The following DDX18 variants were observed in gnomAD, a reference collection of about 807,000 sequenced individuals.
The protein encoded by DDX18 is ATP-dependent RNA helicase DDX18.
In DDX18, 23 loss-of-function variants were observed where a neutral mutation model predicts 73.5. The observed-to-expected ratio is 0.31, with a 90% CI of 0.23 to 0.44. The LOEUF is 0.44. Ranked by LOEUF, DDX18 falls within the 20% of genes least tolerant of loss-of-function variation. The pLI, the probability that DDX18 is intolerant of heterozygous loss-of-function variation, is 1.00. For synonymous variants in DDX18, 268 were observed against 282.7 expected (o/e 0.95, Z 0.52); for missense variants, 753 against 792.9 (o/e 0.95, Z 0.60).
chr2:117,827,682 G>C (rs534101876), intron 11 of DDX18: 1 of 152,216 alleles, frequency 6.6e-6, no homozygotes, highest in East Asian at 1.9e-4. Flanking sequence ...CTTTTTTATG[G>C]CTGCATAGTA....
chr2:117,824,286 G>A (rs1679889072), intron 7 of DDX18: 1 of 231,466 alleles, frequency 4.3e-6, no homozygotes, highest in South Asian at 1.8e-4. Context: ...TTTACATGAA[G>A]GTTATAACTA....
intron 6 of DDX18, 32 bp downstream of exon 6, chr2:117,822,093 G>T: frequency 6.2e-7 from 1 of 1,613,660 alleles, no homozygotes; most frequent in Non-Finnish European, 8.5e-7. Flanking sequence ...TCATTGTCTT[G>T]TATGAAACAT....
chr2:117,815,518 T>G (rs1679742899), intron 1 of DDX18, among the ~76,000 whole-genome samples: 3 of 152,202 alleles, frequency 2.0e-5, no homozygotes, highest in Admixed American at 2.0e-4. Context: ...TGTGTTAACC[T>G]GTTGTCCAGG....
At chr2:117,815,108 CT>C (rs1434283961) in intron 1 of DDX18, 1 of 549,580 alleles carries the variant, frequency 1.8e-6, no homozygotes, top group Non-Finnish European at 3.3e-6. Context: ...AGCGGGAGGA[CT>C]CCCCGTTCAC....
rs1276758786 is a variant in DDX18, at chr2:117,817,699, AGAG to A, written c.342_344del (p.Arg115del). 8 of 1,604,254 alleles carry A rather than the reference AGAG, an allele frequency of 5.0e-6. No homozygotes were observed. The highest frequency in any genetic ancestry group is 6.8e-6 in the Non-Finnish European group (8 of 1,177,618). On this transcript the variant is annotated inframe_deletion, in exon 2 of 14. Coordinates refer to ENST00000263239, the MANE Select transcript of DDX18 (RefSeq NM_006773.4). ...GAATCAAAAAAGAAAAAGAAGAAAA[AGAG>A]AAAAATGGTGAATGATGCTGAGCCT... is the stretch of plus-strand genomic sequence containing the variant.
rs368619830 is a variant in DDX18, at chr2:117,825,494, C to T, written c.1416C>T (p.Cys472=). The change falls in exon 10 of 14, where the codon TGC becomes TGT. Residue 472 remains cysteine (C), a synonymous_variant. Coordinates refer to ENST00000263239, the MANE Select transcript of DDX18 (RefSeq NM_006773.4). ...GTACAACCACATTCTTCCAGTTCTG[C>T]AATGCAGATTCGGGAACACTATTGT... The part of the protein sequence containing the change: ...NKRTTTFFQF[C]NADSGTLLCT... 7 of 1,613,992 alleles carry T rather than the reference C, an allele frequency of 4.3e-6. No homozygotes were observed. Among genetic ancestry groups the T allele is most frequent in the Non-Finnish European group, 5.9e-6 (7 of 1,179,996 alleles).
At position 117,824,923 on chromosome 2, in the gene DDX18, GC is replaced by G. The variant is rs1464641591; in HGVS notation, c.1207-16del. 6.3e-7 allele frequency: 1 copy of G among 1,594,632 alleles called. No individual in the cohort carries two copies. The highest frequency in any genetic ancestry group is 1.4e-5 in the African/African-American group (1 of 73,550). ...CCACTTGGTTCATTTGTATCTGTCT[GC>G]TTAAACGCTTTCTAGGGATATGTTG... On this transcript the variant is annotated splice_polypyrimidine_tract_variant and intron_variant, in intron 8 of 13. Coordinates refer to ENST00000263239, the MANE Select transcript of DDX18 (RefSeq NM_006773.4).
rs1257475218 is a variant in DDX18, at chr2:117,831,222, C to G, written c.*498C>G. 1 of 152,838 alleles carries G rather than the reference C, an allele frequency of 6.5e-6. No homozygotes were observed. The highest frequency in any genetic ancestry group is 1.5e-5 in the Non-Finnish European group (1 of 68,580). The allele number at this position is 152,838 out of a possible 1,614,324, so 9.5% of individuals were successfully genotyped here. A position where few individuals can be genotyped will look rare whatever the true frequency, so the allele number is the denominator to read the frequency against. The stretch of plus-strand genomic sequence containing the variant: ...TATCTAATGACTCCTCCTGAAAATG[C>G]TGCAGTATAAAAGAGCAAAGAGCTT... On this transcript the variant is annotated 3_prime_UTR_variant, in exon 14 of 14. Transcript: ENST00000263239.
intron 7 of DDX18, among the ~76,000 whole-genome samples, chr2:117,823,438 A>G (rs1332992009): frequency 2.6e-5 from 4 of 152,192 alleles, no homozygotes; most frequent in Non-Finnish European, 5.9e-5. Context: ...TCGTTGCTTT[A>G]ATATATACAT....
intron 1 of DDX18, chr2:117,815,581 G>A (rs1365808052): frequency 1.3e-5 from 2 of 152,190 alleles, no homozygotes; most frequent in African/African-American, 4.8e-5. Context: ...CCTTGCCCCA[G>A]TTGGTTTTCA....
chr2:117,822,179 G>A lies in DDX18; in HGVS notation c.984G>A (p.Gln328=). Reference sequence around the variant, plus strand: ...CAGGATTTATGTATAAAAACCTGCAGTGTCTGGTTATTGATGAAGCTGATC... The same window carrying A: ...CAGGATTTATGTATAAAAACCTGCAATGTCTGGTTATTGATGAAGCTGATC... ...NTPGFMYKNL[Q]CLVIDEADRI... The change falls in exon 7 of 14, where the codon CAG becomes CAA. Residue 328 remains glutamine, a synonymous_variant. Transcript: ENST00000263239. The A allele has an allele frequency of 6.2e-7, 1 of 1,613,970 alleles. No individual in the cohort carries two copies. The highest frequency in any genetic ancestry group is 2.2e-5 in the East Asian group (1 of 44,880).
chr2:117,821,108 AC>A, intron 3 of DDX18, 52 bp from the exon 4 acceptor site: 1 of 1,359,862 alleles, frequency 7.4e-7, no homozygotes. Context: ...CTGTAGCAAT[AC>A]TTTTTTAAAA....
chr2:117,820,883 G>A (rs1020418903), intron 3 of DDX18, among the ~76,000 whole-genome samples: 1 of 151,202 alleles, frequency 6.6e-6, no homozygotes, highest in Non-Finnish European at 1.5e-5. Flanking sequence ...TCCTTGTTTT[G>A]GTATTTTTAT....
chr2:117,819,281 A>G (rs561626862), intron 2 of DDX18, among the ~76,000 whole-genome samples: 2 of 152,304 alleles, frequency 1.3e-5, no homozygotes, highest in African/African-American at 4.8e-5. Flanking sequence ...CTCTAGTAAC[A>G]TGAAGAGCCT....
At chr2:117,819,612 GA>G in intron 2 of DDX18, 36 bp from the exon 3 acceptor site, 2 of 1,512,818 alleles carry the variant, frequency 1.3e-6, no homozygotes. Context: ...CTATTTTAAG[GA>G]AAAATTTTTT....
At chr2:117,825,667 C>T (rs373783588) in intron 10 of DDX18, 68 bp downstream of exon 10, 14 of 1,566,330 alleles carry the variant, frequency 8.9e-6, no homozygotes, top group Non-Finnish European at 1.2e-5. Context: ...CTCCCAGTTC[C>T]CTGACGGAAA....
At chr2:117,827,042 A>G (rs973906927) in intron 11 of DDX18, 2 of 152,806 alleles carry the variant, frequency 1.3e-5, no homozygotes, top group African/African-American at 2.4e-5. Flanking sequence ...AATTGAATCC[A>G]TCAGGACCCT....
intron 2 of DDX18, among the ~76,000 whole-genome samples, chr2:117,819,032 C>T (rs1366572461): frequency 6.6e-6 from 1 of 152,128 alleles, no homozygotes; most frequent in Non-Finnish European, 1.5e-5. Flanking sequence ...CACTAATTGC[C>T]ATATAGTTTT....
In DDX18 at chr2:117,821,662, A is replaced by T. The variant is rs199729155; in HGVS notation, c.663A>T (p.Ala221=). 1 of 1,613,980 alleles carries T rather than the reference A, an allele frequency of 6.2e-7. No homozygotes were observed. Among genetic ancestry groups the T allele is most frequent in the East Asian group, 2.2e-5 (1 of 44,890 alleles). Residue 221 remains alanine, a synonymous_variant, in exon 5 of 14, where the codon GCA becomes GCT. Transcript: ENST00000263239. ...RPLLEGRDLL[A]AAKTGSGKTL... is the part of the protein sequence containing the mutation. ...TTTTAATATTTAGGGATCTTCTAGC[A>T]GCTGCAAAAACAGGCAGTGGTAAAA...
Sources: gnomAD v4.1 joint callset for allele counts (sites outside exome capture counted in the v4.1 genomes callset) on GRCh38, gnomAD v4.1.1 for gene constraint, MANE v1.5 for transcripts, NCBI Gene and HGNC (gene_info 2026-07-23, HGNC 2026-07-21) for gene names.